PATJ: variants seen among roughly 807,000 people sequenced by gnomAD.
The protein encoded by PATJ is inaD-like protein.
A neutral mutation model predicts 224.9 loss-of-function variants in PATJ; 190 were observed. The observed-to-expected ratio is 0.84, with a 90% CI of 0.75 to 0.95. PATJ has a LOEUF of 0.95. Among genes scored for constraint, PATJ ranks in the 40% least tolerant of loss-of-function variants. The pLI is 0.00. For missense variants in PATJ, 2,121 were observed against 2,270.3 expected (o/e 0.93, Z 1.34); for synonymous variants, 769 against 820.3 (o/e 0.94, Z 1.07).
At chr1:61,796,743 T>TC (rs71050162) in intron 10 of PATJ, among the ~76,000 whole-genome samples, 60 of 137,938 alleles carry the variant, frequency 4.3e-4, no homozygotes, top group African/African-American at 4.8e-4. Flanking sequence ...TTTCTTTCTT[T>TC]TTTTTCTTCC....
intron 27 of PATJ, among the ~76,000 whole-genome samples, chr1:61,950,630 T>C (rs562375834): frequency 1.3e-5 from 2 of 152,302 alleles, no homozygotes; most frequent in African/African-American, 4.8e-5. Flanking sequence ...ATTTAAAGAA[T>C]GTTAAGAATG....
At chr1:62,020,480 A>C (rs112869947) in intron 29 of PATJ, among the ~76,000 whole-genome samples, 3,107 of 152,154 alleles carry the variant, frequency 0.02, 101 homozygotes, top group African/African-American at 0.071. Flanking sequence ...GGGAAATAAA[A>C]CCCTCCTCCT....
intron 20 of PATJ, among the ~76,000 whole-genome samples, chr1:61,867,057 T>C (rs1665540221): frequency 6.6e-6 from 1 of 152,220 alleles, no homozygotes; most frequent in Non-Finnish European, 1.5e-5. Context: ...CTGGCTTCTT[T>C]ACTGCAACCA....
chr1:62,081,677 C>T (rs970800302), intron 32 of PATJ, among the ~76,000 whole-genome samples: 2 of 152,140 alleles, frequency 1.3e-5, no homozygotes, highest in Non-Finnish European at 2.9e-5. Context: ...AAGTGATTCT[C>T]CTGCCTTAGC....
rs1479902004 is a variant in PATJ, at chr1:61,787,932, C to T, written c.1028C>T (p.Pro343Leu). 6.2e-7 allele frequency: 1 copy of T among 1,613,854 alleles called. No individual in the cohort carries two copies. Among genetic ancestry groups the T allele is most frequent in the African/African-American group, 1.3e-5 (1 of 75,036 alleles). ...ACCCCCCCTGCCCCTGCAGCCTTAC[C>T]TGTTGCCCTGCCTACTGTAGCCAGC... ...SVTPPAPAAL[P>L]VALPTVASKG... Residue 343 changes from proline to leucine, a missense_variant, in exon 8 of 44, where the codon CCT (proline) becomes CTT (leucine). Physicochemically the swap from Pro to Leu is moderately conservative, Grantham distance 98 (BLOSUM62 -3). Coordinates refer to ENST00000642238, the MANE Select transcript of PATJ (RefSeq NM_001350145.3).
At chr1:61,909,176 C>T (rs1034284568) in intron 25 of PATJ, among the ~76,000 whole-genome samples, 1 of 152,008 alleles carries the variant, frequency 6.6e-6, no homozygotes, top group Admixed American at 6.6e-5. Flanking sequence ...GACGAGGTTT[C>T]ACCTTGTTGG....
At chr1:62,108,354 A>G (rs1465219593) in intron 33 of PATJ, 83 bp from the exon 34 acceptor site, 1 of 646,066 alleles carries the variant, frequency 1.5e-6, no homozygotes, top group Non-Finnish European at 2.6e-6. Context: ...ACAAATAGAA[A>G]ATTATGGGTT....
At chr1:61,813,238 C>T (rs909045323) in intron 14 of PATJ, among the ~76,000 whole-genome samples, 8 of 150,712 alleles carry the variant, frequency 5.3e-5, no homozygotes, top group Admixed American at 4.0e-4. Context: ...GATTCTCTTT[C>T]TCCAGGCAGA....
In PATJ at chr1:62,010,484, C is replaced by T. The variant is rs556649985; in HGVS notation, c.3868-7372C>T. Among the ~76,000 whole-genome samples, 530 of 141,262 alleles carry T rather than the reference C, an allele frequency of 3.8e-3. 6 individuals are homozygous for T. The highest frequency in any genetic ancestry group is 0.013 in the African/African-American group (493 of 39,332). 92.7% of individuals were successfully genotyped at this position (141,262 alleles called of 152,430 possible). A position where few individuals can be genotyped will look rare whatever the true frequency, so the allele number is the denominator to read the frequency against. On this transcript the variant is annotated intron_variant, in intron 28 of 43. Transcript: ENST00000642238. Reference sequence around the variant, plus strand: ...TGGTAATCACCAGTCTACTCTCTGTCTTCATGAAATCTACTTTTTTAGCTC... The same window carrying T: ...TGGTAATCACCAGTCTACTCTCTGTTTTCATGAAATCTACTTTTTTAGCTC...
At chr1:62,092,726 T>TTTTA (rs150393814) in intron 33 of PATJ, among the ~76,000 whole-genome samples, 149 of 150,940 alleles carry the variant, frequency 9.9e-4, no homozygotes, top group Non-Finnish European at 1.6e-3. Flanking sequence ...AGAAAACGAC[T>TTTTA]TTTATTTATT....
chr1:61,848,957 G>C (rs1176691004), intron 17 of PATJ, among the ~76,000 whole-genome samples: 1 of 151,932 alleles, frequency 6.6e-6, no homozygotes, highest in African/African-American at 2.4e-5. Flanking sequence ...CAATATTACA[G>C]AGCTAACTAT....
chr1:61,952,163 T>A (rs1679782218), intron 27 of PATJ: 8 of 475,650 alleles, frequency 1.7e-5, no homozygotes, highest in Non-Finnish European at 3.0e-5. Flanking sequence ...AGGTGACTGT[T>A]TAGCTTGAGG....
At chr1:61,877,856 C>T (rs1667548626) in intron 21 of PATJ, among the ~76,000 whole-genome samples, 1 of 152,168 alleles carries the variant, frequency 6.6e-6, no homozygotes, top group African/African-American at 2.4e-5. Context: ...AACCTCTGTA[C>T]CCCTGTTATG....
chr1:61,891,524 G>A (rs1487453306), intron 22 of PATJ, among the ~76,000 whole-genome samples: 1 of 152,188 alleles, frequency 6.6e-6, no homozygotes, highest in Non-Finnish European at 1.5e-5. Context: ...TCGAGCACGT[G>A]ACACTTCTAG....
rs1258814617 is a variant in PATJ at position 62,163,885 on chromosome 1, A to T, written c.*2831A>T. ...TGTTTGTATGTGTAAGATATTTCCA[A>T]AGATTCTAAATAAATGTAGTTGCCT... On this transcript the variant is annotated 3_prime_UTR_variant, in exon 44 of 44. Transcript: ENST00000642238. 6.6e-6 allele frequency: 1 copy of T among 152,164 alleles called. No individual in the cohort carries two copies. The highest frequency in any genetic ancestry group is 1.9e-4 in the East Asian group (1 of 5,192). The allele number at this position is 152,164 out of a possible 1,614,324, so 9.4% of individuals were successfully genotyped here.
At chr1:61,838,975 TATGAAAG>T (rs1660653619) in intron 17 of PATJ, among the ~76,000 whole-genome samples, 1 of 152,166 alleles carries the variant, frequency 6.6e-6, no homozygotes, top group Non-Finnish European at 1.5e-5. Context: ...ACATGAACCA[TATGAAAG>T]AGATACTCTT....
At chr1:61,949,711 A>G (rs868765215) in intron 27 of PATJ, among the ~76,000 whole-genome samples, 14 of 152,078 alleles carry the variant, frequency 9.2e-5, no homozygotes, top group African/African-American at 3.4e-4. Flanking sequence ...GTTCGAGACC[A>G]GCCCGCTCAA....
intron 26 of PATJ, among the ~76,000 whole-genome samples, chr1:61,920,504 A>G (rs1346540752): frequency 6.6e-6 from 1 of 152,074 alleles, no homozygotes; most frequent in Non-Finnish European, 1.5e-5. Context: ...ATGTAAGTCC[A>G]TTAAACTTCT....
intron 35 of PATJ, among the ~76,000 whole-genome samples, chr1:62,115,558 T>C (rs1017931760): frequency 1.3e-5 from 2 of 150,530 alleles, no homozygotes; most frequent in Admixed American, 1.3e-4. Flanking sequence ...TTGCAGTGAA[T>C]TGGAAAGGTA....
Sources: gnomAD v4.1 joint callset for allele counts (sites outside exome capture counted in the v4.1 genomes callset) on GRCh38, gnomAD v4.1.1 for gene constraint, MANE v1.5 for transcripts, NCBI Gene and HGNC (gene_info 2026-07-23, HGNC 2026-07-21) for gene names.